Variants in TRPM3 observed in about 807,000 individuals in gnomAD.
TRPM3 encodes transient receptor potential cation channel subfamily M member 3.
A neutral mutation model predicts 181.2 loss-of-function variants in TRPM3; 77 were observed. That is an observed-to-expected ratio of 0.42 (90% CI 0.35 to 0.51). The LOEUF (loss-of-function observed/expected upper bound fraction) is 0.51. Among genes scored for constraint, TRPM3 ranks in the 20% least tolerant of loss-of-function variants. TRPM3 has a pLI of 0.01. For synonymous variants in TRPM3, 745 were observed against 796.4 expected, an observed-to-expected ratio of 0.94 and a Z score of 1.09; for missense variants, 1,759 against 2,196.7, an observed-to-expected ratio of 0.80 and a Z score of 3.98.
intron 1 of TRPM3, among the ~76,000 whole-genome samples, chr9:71,293,579 T>G (rs1450162360): frequency 6.7e-6 from 1 of 149,732 alleles, no homozygotes. Flanking sequence ...GAGACCTAAA[T>G]AAATGGAGAG....
intron 6 of TRPM3, among the ~76,000 whole-genome samples, chr9:70,784,998 A>G (rs542133440): frequency 4.6e-5 from 7 of 152,274 alleles, no homozygotes; most frequent in African/African-American, 1.7e-4. Flanking sequence ...AGTAGCTGGG[A>G]TTATAGGCAC....
In TRPM3 at chr9:70,960,123, C is replaced by CT. The variant is rs56670058; in HGVS notation, c.178-95613dup. Among the ~76,000 whole-genome samples, 536 of 141,774 alleles carry CT rather than the reference C, an allele frequency of 3.8e-3. 2 individuals carry two copies. The highest frequency in any genetic ancestry group is 0.019 in the East Asian group (92 of 4,830). The allele number at this position is 141,774 out of a possible 152,430, so 93.0% of individuals were successfully genotyped here. A position where few individuals can be genotyped will look rare whatever the true frequency, so the allele number is the denominator to read the frequency against. ...TCTGCTAATTCATTCAACTCTCGTT[C>CT]TTTTTTTTTTTTTTTAACACCTGTG... On this transcript the variant is annotated intron_variant, in intron 1 of 25. Coordinates refer to ENST00000677713, the MANE Select transcript of TRPM3 (RefSeq NM_001366145.2).
intron 22 of TRPM3, among the ~76,000 whole-genome samples, chr9:70,566,742 TGTTGGTCCTG>T: frequency 6.6e-6 from 1 of 152,182 alleles, no homozygotes; most frequent in Non-Finnish European, 1.5e-5. Flanking sequence ...GGCAGCTGAA[TGTTGGTCCTG>T]TGCAGTCTGC....
At chr9:71,354,039 G>A (rs1207249491) in intron 1 of TRPM3, among the ~76,000 whole-genome samples, 1 of 152,042 alleles carries the variant, frequency 6.6e-6, no homozygotes, top group South Asian at 2.1e-4. Flanking sequence ...TTAAGATCCA[G>A]GCCACTCATC....
intron 1 of TRPM3, among the ~76,000 whole-genome samples, chr9:71,064,657 A>C (rs2061700047): frequency 6.6e-6 from 1 of 152,118 alleles, no homozygotes; most frequent in Non-Finnish European, 1.5e-5. Context: ...TTAGGAGGAA[A>C]AGCATGTAAA....
At chr9:70,806,994 A>G (rs766820960) in intron 6 of TRPM3, among the ~76,000 whole-genome samples, 3 of 152,198 alleles carry the variant, frequency 2.0e-5, no homozygotes, top group Non-Finnish European at 2.9e-5. Context: ...TTTCTTTAAG[A>G]TCCCCAGGGA....
intron 9 of TRPM3, among the ~76,000 whole-genome samples, chr9:70,646,057 C>T (rs2058793860): frequency 6.6e-6 from 1 of 152,172 alleles, no homozygotes; most frequent in Admixed American, 6.5e-5. Flanking sequence ...GAATGGCAAT[C>T]ATTAAAAAGT....
chr9:71,342,856 G>A (rs1308566452), intron 1 of TRPM3, among the ~76,000 whole-genome samples: 2 of 152,116 alleles, frequency 1.3e-5, no homozygotes, highest in African/African-American at 2.4e-5. Context: ...AAGAACTGTG[G>A]TCCATCTGTA....
chr9:71,222,260 A>T (rs1392929076), intron 1 of TRPM3, among the ~76,000 whole-genome samples: 4 of 152,232 alleles, frequency 2.6e-5, no homozygotes, highest in Non-Finnish European at 5.9e-5. Flanking sequence ...GGGGTTGAAT[A>T]AGGATCTGAG....
chr9:71,159,040 A>C (rs1487096213), intron 1 of TRPM3, among the ~76,000 whole-genome samples: 1 of 151,596 alleles, frequency 6.6e-6, no homozygotes, highest in Non-Finnish European at 1.5e-5. Context: ...TCCTGCTTGC[A>C]GGAAGCAGAC....
At chr9:70,642,880 CTG>C (rs963855928) in intron 9 of TRPM3, among the ~76,000 whole-genome samples, 2 of 152,290 alleles carry the variant, frequency 1.3e-5, no homozygotes, top group African/African-American at 4.8e-5. Context: ...GCCTAAGGTT[CTG>C]TGTTTCTAAC....
chr9:71,144,113 C>A (rs1227530638), intron 1 of TRPM3, among the ~76,000 whole-genome samples: 1 of 152,098 alleles, frequency 6.6e-6, no homozygotes, highest in African/African-American at 2.4e-5. Context: ...ACAACGACTT[C>A]CTTAAACCAT....
intron 7 of TRPM3, among the ~76,000 whole-genome samples, chr9:70,777,120 C>T (rs1215254315): frequency 6.6e-6 from 1 of 152,144 alleles, no homozygotes; most frequent in African/African-American, 2.4e-5. Context: ...GCTTTGAAAT[C>T]ATCACTTGGC....
intron 6 of TRPM3, among the ~76,000 whole-genome samples, chr9:70,808,649 TTG>T (rs1390941056): frequency 6.6e-6 from 1 of 152,186 alleles, no homozygotes; most frequent in Non-Finnish European, 1.5e-5. Context: ...GGGATATAGA[TTG>T]TGTTGTTTAT....
intron 1 of TRPM3, among the ~76,000 whole-genome samples, chr9:71,307,423 ATTTTTTCTTATATGTTTACATAT>A: frequency 6.6e-6 from 1 of 151,876 alleles, no homozygotes; most frequent in Admixed American, 6.6e-5. Context: ...ATTTTCTTTT[ATTTTTTCTTATATGTTTACATAT>A]TTACTGTAAT....
chr9:71,142,344 G>C lies in TRPM3; in HGVS notation c.184-277833C>G, dbSNP rs140526020. ...ACCTTCAAAACAAACCCTAAAGCAA[G>C]AGTTTGAGTGCAAATAGCTCATTTA... On this transcript the variant is annotated intron_variant, in intron 1 of 24. Coordinates refer to the TRPM3 transcript ENST00000357533. Among the ~76,000 whole-genome samples the C allele has an allele frequency of 5.0e-3, 754 of 152,266 alleles. 5 individuals are homozygous for C. Among genetic ancestry groups the C allele is most frequent in the Non-Finnish European group, 7.3e-3 (495 of 68,022 alleles).
chr9:71,340,091 G>T (rs1190285779), intron 1 of TRPM3, among the ~76,000 whole-genome samples: 1 of 152,118 alleles, frequency 6.6e-6, no homozygotes, highest in Non-Finnish European at 1.5e-5. Flanking sequence ...TGATGCATTT[G>T]TTTTTCCTGG....
At chr9:70,551,233 T>A (rs1239029236) in intron 24 of TRPM3, among the ~76,000 whole-genome samples, 1 of 152,238 alleles carries the variant, frequency 6.6e-6, no homozygotes, top group Non-Finnish European at 1.5e-5. Context: ...TGGGTTCTTT[T>A]AATTAAGGCT....
At chr9:71,212,641 C>T (rs911557977) in intron 1 of TRPM3, among the ~76,000 whole-genome samples, 1 of 152,134 alleles carries the variant, frequency 6.6e-6, no homozygotes, top group Non-Finnish European at 1.5e-5. Context: ...CCCATAAATG[C>T]TCCTCTTAGA....
Sources: allele counts gnomAD v4.1 joint callset (sites outside exome capture counted in the v4.1 genomes callset), GRCh38; gene constraint gnomAD v4.1.1; transcripts MANE v1.5; gene names NCBI Gene and HGNC (gene_info 2026-07-23, HGNC 2026-07-21).